ANKS3: variants seen among roughly 807,000 people sequenced by gnomAD.
The protein encoded by ANKS3 is ankyrin repeat and SAM domain-containing protein 3.
ANKS3 carries 62 observed loss-of-function variants against 80.7 expected under a neutral mutation model. The observed-to-expected ratio is 0.77, with a 90% CI of 0.63 to 0.95. ANKS3 has a LOEUF of 0.95. Among genes scored for constraint, ANKS3 ranks in the 40% least tolerant of loss-of-function variants. ANKS3 has a pLI of 0.00. For synonymous variants in ANKS3, 489 were observed against 355.3 expected (o/e 1.38, Z -4.23); for missense variants, 1,150 against 883.6 (o/e 1.30, Z -3.82).
intron 9 of ANKS3, chr16:4,701,751 A>G (rs2079918817): frequency 2.3e-5 from 12 of 530,974 alleles, no homozygotes; most frequent in South Asian, 2.0e-4. Context: ...GATAAATCCC[A>G]AGCACCCGGA....
chr16:4,696,928 G>A (rs894111288), intron 17 of ANKS3, 32 bp from the exon 18 acceptor site: 1 of 1,187,984 alleles, frequency 8.4e-7, no homozygotes, highest in Non-Finnish European at 1.2e-6. Context: ...AGAAGGGAGG[G>A]GGACAGGTGG....
rs753459120 is a variant in ANKS3 at position 4,697,326 on chromosome 16, G to A, written c.1894+7C>T. 1 of 1,599,786 alleles carries A rather than the reference G, an allele frequency of 6.3e-7. No homozygotes were observed. The highest frequency in any genetic ancestry group is 1.1e-5 in the South Asian group (1 of 90,054). On this transcript the variant is annotated splice_region_variant and intron_variant, in intron 16 of 17. Coordinates refer to ENST00000304283, the MANE Select transcript of ANKS3 (RefSeq NM_133450.4). ...AGCGCTCAGTCGTCTGGTCCCCGGAGACTCACCCATCTCACGGACACGGTC... is the reference window on the plus strand; with the variant it reads ...AGCGCTCAGTCGTCTGGTCCCCGGAAACTCACCCATCTCACGGACACGGTC...
At chr16:4,701,565 G>T (rs756991571) in intron 9 of ANKS3, 22 bp from the exon 10 acceptor site, 2 of 1,592,388 alleles carry the variant, frequency 1.3e-6, no homozygotes, top group Non-Finnish European at 1.7e-6. Context: ...AAGACAGGGC[G>T]TCCGCCTGCA....
At chr16:4,701,177 T>C in intron 10 of ANKS3, 43 bp from the exon 11 acceptor site, 1 of 1,610,384 alleles carries the variant, frequency 6.2e-7, no homozygotes, top group Non-Finnish European at 8.5e-7. Flanking sequence ...GCGGGCTAAC[T>C]TGAGAGCCTT....
intron 1 of ANKS3, among the ~76,000 whole-genome samples, chr16:4,732,004 G>A (rs951905974): frequency 1.3e-5 from 2 of 152,184 alleles, no homozygotes; most frequent in African/African-American, 4.8e-5. Flanking sequence ...GTTAATAGAT[G>A]CGATGAGGAC....
intron 5 of ANKS3, among the ~76,000 whole-genome samples, chr16:4,725,848 C>T (rs936123233): frequency 1.1e-4 from 16 of 151,538 alleles, no homozygotes; most frequent in Non-Finnish European, 1.9e-4. Context: ...TTAGTAGAGA[C>T]GGGGTTTCAC....
In ANKS3 at chr16:4,699,041, T is replaced by C. The variant is rs762165596; in HGVS notation, c.1409+11A>G. 1.9e-6 allele frequency: 3 copies of C among 1,614,156 alleles called. No individual in the cohort carries two copies. Among genetic ancestry groups the C allele is most frequent in the East Asian group, 2.2e-5 (1 of 44,884 alleles). On this transcript the variant is annotated intron_variant, in intron 12 of 17. Transcript: ENST00000304283. ...CCGGGCTGAGGGCCAGAGCGGCCCT[T>C]CTGGACGCACGTGATGCCAATTTCC...
chr16:4,719,583 G>T (rs551284217), intron 6 of ANKS3, among the ~76,000 whole-genome samples: 6 of 151,122 alleles, frequency 4.0e-5, no homozygotes, highest in Non-Finnish European at 8.9e-5. Context: ...TGGGAAGATT[G>T]CTTGAGGCCA....
At chr16:4,719,535 G>A (rs1488867670) in intron 6 of ANKS3, among the ~76,000 whole-genome samples, 1 of 152,014 alleles carries the variant, frequency 6.6e-6, no homozygotes, top group African/African-American at 2.4e-5. Context: ...GGGCATGGTG[G>A]CTCAGGTCTG....
intron 12 of ANKS3, 35 bp from the exon 13 acceptor site, chr16:4,698,976 G>A (rs200504243): frequency 1.5e-4 from 240 of 1,612,970 alleles, no homozygotes; most frequent in South Asian, 4.2e-4. Flanking sequence ...ATGCCTCAGC[G>A]TCCCAAGAGC....
At chr16:4,730,513 G>A (rs2081562714) in intron 2 of ANKS3, among the ~76,000 whole-genome samples, 7 of 152,194 alleles carry the variant, frequency 4.6e-5, no homozygotes, top group Admixed American at 1.3e-4. Context: ...TAATTGGGTT[G>A]TTTAACCCAA....
chr16:4,720,291 GT>G (rs1343109642), intron 6 of ANKS3, among the ~76,000 whole-genome samples: 1 of 149,996 alleles, frequency 6.7e-6, no homozygotes, highest in Non-Finnish European at 1.5e-5. Flanking sequence ...GTGAAACCCT[GT>G]CTCTACTAAA....
intron 6 of ANKS3, among the ~76,000 whole-genome samples, chr16:4,718,145 T>C (rs1030832243): frequency 2.7e-5 from 4 of 149,908 alleles, no homozygotes; most frequent in African/African-American, 9.8e-5. Flanking sequence ...GGTCTCCAAC[T>C]CCAGCCTCAA....
rs1240417449 is a variant in ANKS3 at position 4,697,435 on chromosome 16, G to T, written c.1811-19C>A. 2.5e-6 allele frequency: 4 copies of T among 1,575,024 alleles called. No individual in the cohort carries two copies. In the Admixed American group the frequency reaches 7.3e-5, roughly 29 times the overall value. ...TTGGAGTCTGTGGTGCAGGTGCAGG[G>T]ACCGAGTTAGCTGGGGGTCTGCGTC... On this transcript the variant is annotated intron_variant, in intron 15 of 17. Transcript: ENST00000304283.
At chr16:4,733,001 T>C (rs2081733052) in intron 1 of ANKS3, among the ~76,000 whole-genome samples, 1 of 152,062 alleles carries the variant, frequency 6.6e-6, no homozygotes, top group African/African-American at 2.4e-5. Flanking sequence ...TTCTCAATTA[T>C]TTGTGGTTAT....
chr16:4,725,434 A>G (rs958015492), intron 5 of ANKS3, among the ~76,000 whole-genome samples: 9 of 152,206 alleles, frequency 5.9e-5, no homozygotes, highest in Non-Finnish European at 1.2e-4. Flanking sequence ...ATATTTTAAC[A>G]TCTCTCAAGT....
Position 4,698,463 on chromosome 16 carries a change from A to C in ANKS3, c.1688T>G (p.Leu563Arg). 1 of 1,543,548 alleles carries C rather than the reference A, an allele frequency of 6.5e-7. No homozygotes were observed. The highest frequency in any genetic ancestry group is 1.2e-5 in the South Asian group (1 of 83,890). ...LQARLRETWA[L>R]ARDAALVLDQ... ...CAGGACGAGGGCAGCATCCCGGGCC[A>C]GGGCCCACGTCTCCCGCAGCCGGGC... The change falls in exon 14 of 18, where the codon CTG (leucine) becomes CGG (arginine). Residue 563 changes from leucine (L) to arginine (R), a missense_variant. By Grantham distance (102) the Leu-to-Arg change is moderately radical. Coordinates refer to ENST00000304283, the MANE Select transcript of ANKS3 (RefSeq NM_133450.4).
chr16:4,701,003 G>T lies in ANKS3; in HGVS notation c.1251C>A (p.Pro417=), dbSNP rs117007233. Residue 417 remains proline (P), a synonymous_variant, in exon 11 of 18, where the codon CCC becomes CCA. Coordinates refer to ENST00000304283, the MANE Select transcript of ANKS3 (RefSeq NM_133450.4). ...CTGAGTAGGGGGCCCTCTGAGTCTG[G>T]GGGCTGGACTCAGCGAGAAAGCCTT... ...DREGFLAESS[P]QTQRAPYSGP... is the part of the protein sequence containing the mutation. 6.2e-7 allele frequency: 1 copy of T among 1,613,918 alleles called. No homozygotes were observed. The highest frequency in any genetic ancestry group is 8.5e-7 in the Non-Finnish European group (1 of 1,179,902).
At chr16:4,711,892 G>A (rs969732534) in intron 7 of ANKS3, among the ~76,000 whole-genome samples, 34 of 152,176 alleles carry the variant, frequency 2.2e-4, no homozygotes, top group African/African-American at 5.8e-4. Flanking sequence ...AACTGTTATC[G>A]AGGAACCACC....
Sources: allele counts gnomAD v4.1 joint callset (sites outside exome capture counted in the v4.1 genomes callset), GRCh38; gene constraint gnomAD v4.1.1; transcripts MANE v1.5; gene names NCBI Gene and HGNC (gene_info 2026-07-23, HGNC 2026-07-21).